Variants in CNTNAP5 observed in about 807,000 individuals in gnomAD.
The protein encoded by CNTNAP5 is contactin associated protein family member 5.
In CNTNAP5, 72 loss-of-function variants were observed where a neutral mutation model predicts 150.2. That is an observed-to-expected ratio of 0.48 (90% confidence interval 0.40 to 0.58). The LOEUF is 0.58. Among genes scored for constraint, CNTNAP5 ranks in the 20% least tolerant of loss-of-function variants. CNTNAP5 has a pLI of 0.00. For missense variants in CNTNAP5, 1,636 were observed against 1,626.2 expected (o/e 1.01, Z -0.10); for synonymous variants, 672 against 619.8 (o/e 1.08, Z -1.25).
intron 1 of CNTNAP5, among the ~76,000 whole-genome samples, chr2:124,079,239 C>A (rs1241224431): frequency 2.6e-5 from 4 of 152,216 alleles, no homozygotes; most frequent in African/African-American, 9.7e-5. Flanking sequence ...TGCTTGAGAG[C>A]ACTCAGCCAG....
At chr2:124,503,095 C>G (rs1017679982) in intron 7 of CNTNAP5, among the ~76,000 whole-genome samples, 2 of 152,160 alleles carry the variant, frequency 1.3e-5, no homozygotes, top group African/African-American at 2.4e-5. Context: ...TACCCTTTGA[C>G]ACATTAATTA....
intron 1 of CNTNAP5, among the ~76,000 whole-genome samples, chr2:124,132,956 C>T (rs1245503231): frequency 1.3e-5 from 2 of 152,150 alleles, no homozygotes; most frequent in Non-Finnish European, 2.9e-5. Context: ...CAGCTCTATT[C>T]ACATTTCTCT....
chr2:124,320,490 C>T (rs1689072857), intron 3 of CNTNAP5, among the ~76,000 whole-genome samples: 1 of 152,124 alleles, frequency 6.6e-6, no homozygotes, highest in Non-Finnish European at 1.5e-5. Flanking sequence ...CATTTACTGC[C>T]CACTTCTGAT....
At chr2:124,255,914 T>G (rs914512018) in intron 3 of CNTNAP5, among the ~76,000 whole-genome samples, 6 of 152,176 alleles carry the variant, frequency 3.9e-5, no homozygotes, top group African/African-American at 1.4e-4. Context: ...AAATGTGATG[T>G]CATTTTCAAG....
chr2:124,803,700 A>G (rs1176879485), intron 19 of CNTNAP5, among the ~76,000 whole-genome samples: 2 of 152,230 alleles, frequency 1.3e-5, no homozygotes, highest in Non-Finnish European at 2.9e-5. Flanking sequence ...CTTGGAAGGA[A>G]TAATGATGAA....
intron 1 of CNTNAP5, among the ~76,000 whole-genome samples, chr2:124,206,837 A>C (rs1231607050): frequency 6.6e-6 from 1 of 152,190 alleles, no homozygotes. Context: ...ACATGCAGGA[A>C]TTACAGGGAG....
chr2:124,450,192 A>C (rs2104809628), intron 6 of CNTNAP5, among the ~76,000 whole-genome samples: 1 of 151,948 alleles, frequency 6.6e-6, no homozygotes, highest in South Asian at 2.1e-4. Flanking sequence ...CCAATGACTA[A>C]TTTTTGGAGC....
intron 3 of CNTNAP5, among the ~76,000 whole-genome samples, chr2:124,410,677 C>A (rs1328696800): frequency 2.6e-5 from 4 of 151,300 alleles, no homozygotes; most frequent in African/African-American, 9.7e-5. Context: ...TTCTTTGAAA[C>A]CAGCGAGAAC....
intron 13 of CNTNAP5, among the ~76,000 whole-genome samples, chr2:124,717,805 A>G (rs1015864850): frequency 6.6e-6 from 1 of 152,226 alleles, no homozygotes; most frequent in South Asian, 2.1e-4. Context: ...CAATAGAGGT[A>G]GTCTATTCAT....
At chr2:124,220,914 G>T (rs1686291500) in intron 1 of CNTNAP5, among the ~76,000 whole-genome samples, 1 of 152,124 alleles carries the variant, frequency 6.6e-6, no homozygotes, top group African/African-American at 2.4e-5. Context: ...AGAGTGAAGA[G>T]CAGTTCCTTT....
chr2:124,809,380 G>T (rs980035987), intron 19 of CNTNAP5, among the ~76,000 whole-genome samples: 23 of 145,012 alleles, frequency 1.6e-4, no homozygotes, highest in South Asian at 6.7e-4. Flanking sequence ...CAATAATATG[G>T]TATTTATTTA....
chr2:124,779,059 C>G (rs545014745), intron 17 of CNTNAP5, among the ~76,000 whole-genome samples: 52 of 152,154 alleles, frequency 3.4e-4, no homozygotes, highest in Non-Finnish European at 6.8e-4. Context: ...GTGGTAGGAC[C>G]TTGTAATCTG....
At chr2:124,795,717 C>T (rs1298811965) in intron 18 of CNTNAP5, among the ~76,000 whole-genome samples, 1 of 152,132 alleles carries the variant, frequency 6.6e-6, no homozygotes, top group Non-Finnish European at 1.5e-5. Flanking sequence ...GGGGTTTTGC[C>T]ATGTTGGTCA....
intron 1 of CNTNAP5, among the ~76,000 whole-genome samples, chr2:124,055,172 G>T (rs1210022201): frequency 6.6e-6 from 1 of 152,188 alleles, no homozygotes; most frequent in East Asian, 1.9e-4. Flanking sequence ...GATACAGCTG[G>T]ATGTGAACAT....
chr2:124,904,495 TA>T lies in CNTNAP5; in HGVS notation c.3655+1405del, dbSNP rs933414743. Among the ~76,000 whole-genome samples, 214 of 144,104 alleles carry T rather than the reference TA, an allele frequency of 1.5e-3. 1 individual carries two copies. The highest frequency in any genetic ancestry group is 0.011 in the South Asian group (50 of 4,588). The allele number at this position is 144,104 out of a possible 152,430, so 94.5% of individuals were successfully genotyped here. ...AAACTATATTGCAAAGCTGTAGTAA[TA>T]AAAAAAAAAGCATAATACTGGCATA... On this transcript the variant is annotated intron_variant, in intron 22 of 23. Transcript: ENST00000682447.
At chr2:124,261,039 T>A (rs1449058242) in intron 3 of CNTNAP5, among the ~76,000 whole-genome samples, 1 of 152,200 alleles carries the variant, frequency 6.6e-6, no homozygotes, top group Non-Finnish European at 1.5e-5. Flanking sequence ...TCAAATTTTA[T>A]AATAAAATTA....
chr2:124,366,748 C>T (rs1028029864), intron 3 of CNTNAP5, among the ~76,000 whole-genome samples: 2 of 152,178 alleles, frequency 1.3e-5, no homozygotes, highest in Non-Finnish European at 2.9e-5. Flanking sequence ...TCATGGGAAG[C>T]TTTGGGGCTG....
In CNTNAP5 at chr2:124,361,997, G is replaced by A. The variant is rs975035221; in HGVS notation, c.382-55446G>A. ...GTAGGACCCTCTGAGCCAGGTGCGG[G>A]ATATAATCTTGTGGTGCGCCGTTTT... On this transcript the variant is annotated intron_variant, in intron 3 of 23. Coordinates refer to ENST00000682447, the MANE Select transcript of CNTNAP5 (RefSeq NM_001367498.1). Among the ~76,000 whole-genome samples, 3 of 152,346 alleles carry A rather than the reference G, an allele frequency of 2.0e-5. No individual in the cohort carries two copies. In the East Asian group the frequency reaches 5.8e-4, roughly 29 times the overall value.
chr2:124,597,962 A>C (rs927858376), intron 11 of CNTNAP5, among the ~76,000 whole-genome samples: 1 of 123,308 alleles, frequency 8.1e-6, no homozygotes, highest in Non-Finnish European at 1.7e-5. Flanking sequence ...TGCATTCTTC[A>C]CTTAGTTCTC....
Sources: gnomAD v4.1 joint callset for allele counts (sites outside exome capture counted in the v4.1 genomes callset) on GRCh38, gnomAD v4.1.1 for gene constraint, MANE v1.5 for transcripts, NCBI Gene and HGNC (gene_info 2026-07-23, HGNC 2026-07-21) for gene names.